Variants in TMX3 observed in about 807,000 individuals in gnomAD.
TMX3 encodes protein disulfide-isomerase TMX3.
A neutral mutation model predicts 64.4 loss-of-function variants in TMX3; 40 were observed. That is an observed-to-expected ratio of 0.62 (90% CI 0.48 to 0.81). TMX3 has a LOEUF of 0.81. TMX3 is among the 30% of genes least tolerant of loss of function. The pLI is 0.00. For missense variants in TMX3, 497 were observed against 534.5 expected, an observed-to-expected ratio of 0.93 and a Z score of 0.69; for synonymous variants, 189 against 175.7, an observed-to-expected ratio of 1.08 and a Z score of -0.60.
At chr18:68,686,329 T>C (rs1025228501) in intron 10 of TMX3, among the ~76,000 whole-genome samples, 2 of 152,202 alleles carry the variant, frequency 1.3e-5, no homozygotes, top group African/African-American at 4.8e-5. Flanking sequence ...TTTAATCACC[T>C]CAAGGTCATG....
chr18:68,714,927 C>T lies in TMX3; in HGVS notation c.46+9G>A, dbSNP rs2031807020. On this transcript the variant is annotated intron_variant, in intron 1 of 15. Transcript: ENST00000299608. ...CCCGCCAGCGTCCCGACCGCTGAGCCCCCATTACCTGTGGCGCAGAGCCGC... is the reference window on the plus strand; with the variant it reads ...CCCGCCAGCGTCCCGACCGCTGAGCTCCCATTACCTGTGGCGCAGAGCCGC... The T allele has an allele frequency of 6.4e-7, 1 of 1,559,874 alleles. No individual in the cohort carries two copies. The highest frequency in any genetic ancestry group is 2.4e-5 in the East Asian group (1 of 41,232).
Position 68,674,686 on chromosome 18 carries a change from T to C in TMX3, c.*2247A>G, listed in dbSNP as rs1007333472. ...GCATACGAGCAAACAAATTTTAGAA[T>C]CTGTTTTGTGAATAGTCTGACAATG... On this transcript the variant is annotated 3_prime_UTR_variant, in exon 16 of 16. Coordinates refer to ENST00000299608, the MANE Select transcript of TMX3 (RefSeq NM_019022.5). The C allele has an allele frequency of 2.0e-5, 3 of 152,092 alleles. No individual in the cohort carries two copies. Among genetic ancestry groups the C allele is most frequent in the African/African-American group, 7.2e-5 (3 of 41,428 alleles). 9.4% of individuals were successfully genotyped at this position (152,092 alleles called of 1,614,324 possible). A position where few individuals can be genotyped will look rare whatever the true frequency, so the allele number is the denominator to read the frequency against.
intron 12 of TMX3, 59 bp from the exon 13 acceptor site, chr18:68,683,040 G>A: frequency 6.8e-7 from 1 of 1,475,424 alleles, no homozygotes. Context: ...GGGAGAGAGA[G>A]AGAGAAAGCT....
chr18:68,673,757 T>C lies in TMX3; in HGVS notation c.*3176A>G, dbSNP rs1180748041. The C allele has an allele frequency of 6.6e-6, 1 of 152,186 alleles. No homozygotes were observed. Among genetic ancestry groups the C allele is most frequent in the Admixed American group, 6.6e-5 (1 of 15,258 alleles). The allele number at this position is 152,186 out of a possible 1,614,324, so 9.4% of individuals were successfully genotyped here. On this transcript the variant is annotated 3_prime_UTR_variant, in exon 16 of 16. Transcript: ENST00000299608. Reference sequence around the variant, plus strand: ...AATTTGTGCCATAGGCAGAATATCATGAATTCAACAAGTTAGTAATGCAGA... The same window carrying C: ...AATTTGTGCCATAGGCAGAATATCACGAATTCAACAAGTTAGTAATGCAGA...
intron 13 of TMX3, 39 bp from the exon 14 acceptor site, chr18:68,681,149 C>G (rs758051971): frequency 1.4e-6 from 2 of 1,464,354 alleles, no homozygotes; most frequent in Non-Finnish European, 1.8e-6. Context: ...ACATTAAACA[C>G]AGCAATAGCA....
At position 68,676,795 on chromosome 18, in the gene TMX3, T is replaced by A; in HGVS notation, c.*138A>T. On this transcript the variant is annotated 3_prime_UTR_variant, in exon 16 of 16. Transcript: ENST00000299608. ...ACTTCCCCATGTATGGAGGGACTACTTTAATCCATGCAGTTGATATTAGCA... is the reference window on the plus strand; with the variant it reads ...ACTTCCCCATGTATGGAGGGACTACATTAATCCATGCAGTTGATATTAGCA... The A allele has an allele frequency of 9.1e-7, 1 of 1,098,914 alleles. No individual in the cohort carries two copies. Among genetic ancestry groups the A allele is most frequent in the Non-Finnish European group, 1.3e-6 (1 of 789,542 alleles). The allele number at this position is 1,098,914 out of a possible 1,614,324, so 68.1% of individuals were successfully genotyped here. A position where few individuals can be genotyped will look rare whatever the true frequency, so the allele number is the denominator to read the frequency against.
intron 5 of TMX3, 103 bp downstream of exon 5, chr18:68,701,642 C>T (rs1462524153): frequency 1.3e-6 from 2 of 1,562,460 alleles, no homozygotes; most frequent in Non-Finnish European, 1.7e-6. Context: ...GGCCAAACCC[C>T]AATCTTCAAT....
At position 68,684,293 on chromosome 18, in the gene TMX3, T is replaced by C. The variant is rs757516678; in HGVS notation, c.795-50A>G. ...AGTTCATCTCTGCACTTGAAAAACATAATTTTTCAATGATAGTATCTGCTG... is the reference window on the plus strand; with the variant it reads ...AGTTCATCTCTGCACTTGAAAAACACAATTTTTCAATGATAGTATCTGCTG... On this transcript the variant is annotated intron_variant, in intron 11 of 15. Coordinates refer to ENST00000299608, the MANE Select transcript of TMX3 (RefSeq NM_019022.5). 40 of 1,529,850 alleles carry C rather than the reference T, an allele frequency of 2.6e-5. No individual in the cohort carries two copies. In the South Asian group the frequency reaches 4.3e-4, roughly 16 times the overall value. 94.8% of individuals were successfully genotyped at this position (1,529,850 alleles called of 1,614,324 possible). A position where few individuals can be genotyped will look rare whatever the true frequency, so the allele number is the denominator to read the frequency against.
intron 4 of TMX3, among the ~76,000 whole-genome samples, chr18:68,704,825 T>C (rs764327282): frequency 1.3e-5 from 2 of 152,174 alleles, no homozygotes; most frequent in Non-Finnish European, 2.9e-5. Context: ...TAGAGGTAAG[T>C]AGGAATGTGA....
At position 68,682,986 on chromosome 18, in the gene TMX3, C is replaced by A; in HGVS notation, c.849-5G>T. The A allele has an allele frequency of 6.2e-7, 1 of 1,608,852 alleles. No individual in the cohort carries two copies. The highest frequency in any genetic ancestry group is 8.5e-7 in the Non-Finnish European group (1 of 1,176,912). On this transcript the variant is annotated splice_region_variant and splice_polypyrimidine_tract_variant and intron_variant, in intron 12 of 15. Transcript: ENST00000299608. ...ATGTGGCCAAACTGAAAATCCCTAA[C>A]CACCACCAACCAAAAATAAATAAAT...
At chr18:68,699,646 T>C (rs192966174) in intron 6 of TMX3, among the ~76,000 whole-genome samples, 1 of 152,304 alleles carries the variant, frequency 6.6e-6, no homozygotes, top group Non-Finnish European at 1.5e-5. Flanking sequence ...TAAGTGCCTA[T>C]ACTTTAAAGC....
In TMX3 at chr18:68,715,004, A is replaced by G. The variant is rs1271977009; in HGVS notation, c.-23T>C. The G allele has an allele frequency of 1.3e-6, 2 of 1,562,450 alleles. No homozygotes were observed. The highest frequency in any genetic ancestry group is 1.7e-6 in the Non-Finnish European group (2 of 1,153,870). On this transcript the variant is annotated 5_prime_UTR_variant, in exon 1 of 16. Coordinates refer to ENST00000299608, the MANE Select transcript of TMX3 (RefSeq NM_019022.5). ...CATGCTAGCCCGGGAGAGCTGCAGA[A>G]GCTGACTGTGCAAAAGAGGGATAAA...
chr18:68,688,479 A>G (rs531927547), intron 9 of TMX3: 53 of 152,344 alleles, frequency 3.5e-4, no homozygotes, highest in Middle Eastern at 3.4e-3. Context: ...GTAATTGTTC[A>G]AAATTATTAC....
chr18:68,713,748 A>G (rs957483384), intron 2 of TMX3, 98 bp downstream of exon 2: 32 of 569,132 alleles, frequency 5.6e-5, no homozygotes, highest in Non-Finnish European at 6.5e-5. Flanking sequence ...ATATATAAAA[A>G]TTGGTTCCAA....
At chr18:68,680,332 CACAACCTGATT>C (rs1453221099) in intron 14 of TMX3, among the ~76,000 whole-genome samples, 2 of 152,118 alleles carry the variant, frequency 1.3e-5, no homozygotes, top group Non-Finnish European at 2.9e-5. Context: ...GCATGCTGGT[CACAACCTGATT>C]GTGACTTGCG....
chr18:68,703,381 A>C (rs1228919160), intron 4 of TMX3, among the ~76,000 whole-genome samples: 2 of 152,224 alleles, frequency 1.3e-5, no homozygotes. Flanking sequence ...CAAATAAAGA[A>C]AATACAGTAT....
At position 68,714,998 on chromosome 18, in the gene TMX3, T is replaced by C. The variant is rs769459920; in HGVS notation, c.-17A>G. On this transcript the variant is annotated 5_prime_UTR_variant, in exon 1 of 16. Coordinates refer to ENST00000299608, the MANE Select transcript of TMX3 (RefSeq NM_019022.5). ...CGCTGCCATGCTAGCCCGGGAGAGC[T>C]GCAGAAGCTGACTGTGCAAAAGAGG... The C allele has an allele frequency of 8.3e-6, 13 of 1,564,392 alleles. No homozygotes were observed. The highest frequency in any genetic ancestry group is 1.1e-5 in the Non-Finnish European group (13 of 1,154,964).
chr18:68,693,870 C>T lies in TMX3; in HGVS notation c.571-2509G>A, dbSNP rs139478093. 2.9e-4 allele frequency among the ~76,000 whole-genome samples: 44 copies of T among 152,212 alleles called. 1 individual carries two copies. In the East Asian group the frequency reaches 7.2e-3, roughly 25 times the overall value. On this transcript the variant is annotated intron_variant, in intron 8 of 15. Coordinates refer to ENST00000299608, the MANE Select transcript of TMX3 (RefSeq NM_019022.5). Reference sequence around the variant, plus strand: ...CTGATGACCATTCAGCCAAGTGGATCGTGCCTTTTCCAGGCCTGACTGTGG... The same window carrying T: ...CTGATGACCATTCAGCCAAGTGGATTGTGCCTTTTCCAGGCCTGACTGTGG...
rs1912715126 is a variant in TMX3, at chr18:68,673,844, T to C, written c.*3089A>G. ...AATTATTTTTTGCCCACTCTTGGACTCAGACACATTCAGAAAAAATATATA... is the reference window on the plus strand; with the variant it reads ...AATTATTTTTTGCCCACTCTTGGACCCAGACACATTCAGAAAAAATATATA... On this transcript the variant is annotated 3_prime_UTR_variant, in exon 16 of 16. Coordinates refer to ENST00000299608, the MANE Select transcript of TMX3 (RefSeq NM_019022.5). 6.6e-6 allele frequency: 1 copy of C among 152,118 alleles called. No homozygotes were observed. The highest frequency in any genetic ancestry group is 1.5e-5 in the Non-Finnish European group (1 of 68,004). 9.4% of individuals were successfully genotyped at this position (152,118 alleles called of 1,614,324 possible). A position where few individuals can be genotyped will look rare whatever the true frequency, so the allele number is the denominator to read the frequency against.
Sources: allele counts gnomAD v4.1 joint callset (sites outside exome capture counted in the v4.1 genomes callset), GRCh38; gene constraint gnomAD v4.1.1; transcripts MANE v1.5; gene names NCBI Gene and HGNC (gene_info 2026-07-23, HGNC 2026-07-21).